MYOF: variants seen among roughly 807,000 people sequenced by gnomAD.
The protein encoded by MYOF is myoferlin.
MYOF carries 244 observed loss-of-function variants against 284.2 expected under a neutral mutation model. The observed-to-expected ratio is 0.86, with a 90% confidence interval of 0.77 to 0.95. The LOEUF (loss-of-function observed/expected upper bound fraction) is 0.95. Ranked by LOEUF, MYOF falls within the 40% of genes least tolerant of loss-of-function variation. MYOF has a pLI of 0.00. For missense variants in MYOF, 2,496 were observed against 2,560.6 expected, an observed-to-expected ratio of 0.97 and a Z score of 0.54; for synonymous variants, 904 against 919.7, an observed-to-expected ratio of 0.98 and a Z score of 0.31.
intron 25 of MYOF, among the ~76,000 whole-genome samples, chr10:93,368,021 A>G (rs563780691): frequency 3.9e-5 from 6 of 152,002 alleles, no homozygotes; most frequent in Non-Finnish European, 8.8e-5. Context: ...CAAAAATGGG[A>G]AAGAGTGGAA....
rs779515283 is a variant in MYOF at position 93,328,928 on chromosome 10, G to A, written c.4983-17C>T. ...ACTCCAGAACTGTGAATAGCATCAC[G>A]TGGCTCGGAGTTACGGAGGAGCCTG... On this transcript the variant is annotated splice_polypyrimidine_tract_variant and intron_variant, in intron 44 of 53. Transcript: ENST00000359263. 19 of 1,581,604 alleles carry A rather than the reference G, an allele frequency of 1.2e-5. No individual in the cohort carries two copies. The highest frequency in any genetic ancestry group is 2.3e-5 in the South Asian group (2 of 88,488).
chr10:93,403,953 G>T, intron 9 of MYOF, 70 bp downstream of exon 9: 1 of 1,528,860 alleles, frequency 6.5e-7, no homozygotes, highest in Non-Finnish European at 9.1e-7. Context: ...TGCGTACATA[G>T]GAATCAGATT....
chr10:93,457,016 A>T, intron 1 of MYOF, 79 bp from the exon 2 acceptor site: 1 of 1,075,708 alleles, frequency 9.3e-7, no homozygotes, highest in Non-Finnish European at 1.4e-6. Flanking sequence ...TATTCTAAGA[A>T]CATTACCCAA....
chr10:93,419,003 G>A (rs945689017), intron 5 of MYOF, among the ~76,000 whole-genome samples: 1 of 152,076 alleles, frequency 6.6e-6, no homozygotes. Context: ...CCTTGTCATG[G>A]AGTACCTTTC....
rs534327365 is a variant in MYOF, at chr10:93,352,804, T to C, written c.3482-958A>G. Reference sequence around the variant, plus strand: ...TAGTCAAGAACTTTGGAAAGATGTTTTTTTAACTTTCAGTGATAGAGTGCC... The same window carrying C: ...TAGTCAAGAACTTTGGAAAGATGTTCTTTTAACTTTCAGTGATAGAGTGCC... On this transcript the variant is annotated intron_variant, in intron 32 of 53. Transcript: ENST00000359263. Among the ~76,000 whole-genome samples the C allele has an allele frequency of 2.3e-4, 35 of 152,294 alleles. No individual in the cohort carries two copies. The South Asian group carries it at 7.2e-3, about 32-fold the overall frequency.
chr10:93,371,486 A>C (rs1392847980), intron 24 of MYOF, among the ~76,000 whole-genome samples: 1 of 152,200 alleles, frequency 6.6e-6, no homozygotes, highest in Non-Finnish European at 1.5e-5. Context: ...GACATTAAAG[A>C]AGTTTGCAAA....
intron 3 of MYOF, among the ~76,000 whole-genome samples, chr10:93,432,602 T>C (rs1161111216): frequency 6.6e-6 from 1 of 152,176 alleles, no homozygotes; most frequent in East Asian, 1.9e-4. Context: ...AGTTCACTGA[T>C]AGGGTTAGCT....
intron 53 of MYOF, among the ~76,000 whole-genome samples, chr10:93,307,586 C>T (rs1842173591): frequency 6.6e-6 from 1 of 151,636 alleles, no homozygotes; most frequent in Admixed American, 6.6e-5. Flanking sequence ...AGGCGTGAGC[C>T]ACCACGCCCT....
At chr10:93,315,324 C>G (rs1842569886) in intron 50 of MYOF, among the ~76,000 whole-genome samples, 1 of 152,092 alleles carries the variant, frequency 6.6e-6, no homozygotes, top group Admixed American at 6.5e-5. Flanking sequence ...AAGTGAGTTT[C>G]AACTGGCAAG....
At chr10:93,476,329 G>A (rs1383095913) in intron 1 of MYOF, among the ~76,000 whole-genome samples, 2 of 133,200 alleles carry the variant, frequency 1.5e-5, no homozygotes, top group African/African-American at 5.7e-5. Context: ...TCAGCTCACT[G>A]CAACCTCCGC....
At chr10:93,419,015 T>C (rs899556766) in intron 5 of MYOF, among the ~76,000 whole-genome samples, 1 of 152,192 alleles carries the variant, frequency 6.6e-6, no homozygotes, top group Non-Finnish European at 1.5e-5. Flanking sequence ...GTACCTTTCA[T>C]GGAGCCCCAT....
chr10:93,458,802 T>C (rs2056807075), intron 1 of MYOF, among the ~76,000 whole-genome samples: 1 of 152,190 alleles, frequency 6.6e-6, no homozygotes, highest in African/African-American at 2.4e-5. Flanking sequence ...CAGTCTCACA[T>C]TAGTGGCCAC....
chr10:93,309,341 C>A (rs545673041), intron 53 of MYOF, among the ~76,000 whole-genome samples: 2 of 152,136 alleles, frequency 1.3e-5, no homozygotes, highest in African/African-American at 2.4e-5. Context: ...GTCGTAGATG[C>A]GCAATACATC....
intron 1 of MYOF, among the ~76,000 whole-genome samples, chr10:93,479,065 A>C (rs1187625213): frequency 4.0e-5 from 6 of 151,812 alleles, no homozygotes. Context: ...TTATTTACCC[A>C]AGAGGCAAAA....
chr10:93,360,800 G>C (rs1845033312), intron 28 of MYOF, among the ~76,000 whole-genome samples: 4 of 152,196 alleles, frequency 2.6e-5, no homozygotes. Context: ...TGAATGTGAT[G>C]TTCCCAGGGA....
intron 26 of MYOF, among the ~76,000 whole-genome samples, chr10:93,366,102 C>T (rs1006481217): frequency 1.3e-5 from 2 of 152,174 alleles, no homozygotes; most frequent in African/African-American, 4.8e-5. Flanking sequence ...CCACTGCCTC[C>T]CTTGTAGGGC....
intron 5 of MYOF, among the ~76,000 whole-genome samples, chr10:93,414,059 T>G (rs1247925250): frequency 1.3e-5 from 2 of 152,196 alleles, no homozygotes; most frequent in East Asian, 1.9e-4. Flanking sequence ...CTTACAAGTA[T>G]AAAATCAAGA....
At chr10:93,364,100 T>G in intron 26 of MYOF, 25 bp from the exon 27 acceptor site, 1 of 1,603,792 alleles carries the variant, frequency 6.2e-7, no homozygotes, top group Non-Finnish European at 8.5e-7. Context: ...GGGCTCAAGT[T>G]ACCCAAGGAG....
chr10:93,460,732 A>G (rs1466899223), intron 1 of MYOF, among the ~76,000 whole-genome samples: 1 of 139,394 alleles, frequency 7.2e-6, no homozygotes, highest in African/African-American at 2.7e-5. Flanking sequence ...AAGCCACTGC[A>G]CTCCAGCCTG....
Sources: allele counts gnomAD v4.1 joint callset (sites outside exome capture counted in the v4.1 genomes callset), GRCh38; gene constraint gnomAD v4.1.1; transcripts MANE v1.5; gene names NCBI Gene and HGNC (gene_info 2026-07-23, HGNC 2026-07-21).